Variants in MYO6 observed in about 807,000 individuals in gnomAD.
The protein encoded by MYO6 is unconventional myosin-VI.
Under a neutral mutation model 178.7 loss-of-function variants are expected in MYO6, and 74 were observed. The ratio of observed to expected loss-of-function variants is 0.41; its 90% CI spans 0.34 to 0.50. MYO6 has a LOEUF of 0.50. Among genes scored for constraint, MYO6 ranks in the 20% least tolerant of loss-of-function variants. The pLI, the probability that MYO6 is intolerant of heterozygous loss-of-function variation, is 0.09. For missense variants in MYO6, 1,330 were observed against 1,547.4 expected (o/e 0.86, Z 2.36); for synonymous variants, 477 against 504.6 (o/e 0.95, Z 0.73).
At chr6:75,766,259 G>T (rs9447545) in intron 1 of MYO6, among the ~76,000 whole-genome samples, 5,738 of 152,138 alleles carry the variant, frequency 0.038, 214 homozygotes, top group East Asian at 0.13. Flanking sequence ...GGAGGTGGAG[G>T]TTGCAGTGAG....
chr6:75,796,703 A>G (rs1583106523), intron 1 of MYO6, among the ~76,000 whole-genome samples: 1 of 151,274 alleles, frequency 6.6e-6, no homozygotes. Flanking sequence ...CCTGAACTCA[A>G]GCAGTCCTCT....
intron 4 of MYO6, 113 bp downstream of exon 4, chr6:75,828,726 C>T: frequency 1.3e-6 from 1 of 772,284 alleles, no homozygotes; most frequent in East Asian, 2.5e-5. Flanking sequence ...TGATCTGAGC[C>T]TCTTGAATAG....
At chr6:75,892,157 G>A (rs746481228) in intron 27 of MYO6, among the ~76,000 whole-genome samples, 2 of 152,092 alleles carry the variant, frequency 1.3e-5, no homozygotes, top group African/African-American at 2.4e-5. Context: ...GTTTGTCATG[G>A]CTTTCATAAT....
chr6:75,778,503 G>A (rs1411117976), intron 1 of MYO6, among the ~76,000 whole-genome samples: 1 of 151,924 alleles, frequency 6.6e-6, no homozygotes, highest in Non-Finnish European at 1.5e-5. Context: ...CGGCTGAGGC[G>A]GGAGAATGGC....
At chr6:75,897,090 A>G (rs1414621142) in intron 29 of MYO6, among the ~76,000 whole-genome samples, 1 of 152,200 alleles carries the variant, frequency 6.6e-6, no homozygotes, top group Non-Finnish European at 1.5e-5. Context: ...CTGTGTGATC[A>G]ACAGACCCAG....
chr6:75,846,025 T>A (rs1031974074), intron 10 of MYO6, among the ~76,000 whole-genome samples: 3 of 151,784 alleles, frequency 2.0e-5, no homozygotes, highest in African/African-American at 7.2e-5. Flanking sequence ...TAGTTCTGTT[T>A]AAAACATCAT....
At chr6:75,761,307 G>T (rs1399396884) in intron 1 of MYO6, among the ~76,000 whole-genome samples, 1 of 152,082 alleles carries the variant, frequency 6.6e-6, no homozygotes, top group African/African-American at 2.4e-5. Flanking sequence ...TTTCTTTCAG[G>T]TATGGGAGGA....
Position 75,843,908 on chromosome 6 carries a change from G to A in MYO6, c.817-989G>A, listed in dbSNP as rs76593680. 2.6e-5 allele frequency among the ~76,000 whole-genome samples: 4 copies of A among 151,560 alleles called. No individual in the cohort carries two copies. In the South Asian group the frequency reaches 8.3e-4, roughly 31 times the overall value. ...TCAAATTTTTATAAAATTTTTTTTG[G>A]TATGTGTATGATGAGGTGTATTTAA... On this transcript the variant is annotated intron_variant, in intron 9 of 34. Coordinates refer to ENST00000369977, the MANE Select transcript of MYO6 (RefSeq NM_004999.4).
rs181065130 is a variant in MYO6 at position 75,844,680 on chromosome 6, G to A, written c.817-217G>A. Among the ~76,000 whole-genome samples the A allele has an allele frequency of 1.6e-3, 238 of 151,994 alleles. 1 individual carries two copies. The highest frequency in any genetic ancestry group is 5.6e-3 in the African/African-American group (232 of 41,518). ...TTTTTAATCATTTTATTTAATCTAT[G>A]CTCAGAGATTAGGATTTTTAATATT... On this transcript the variant is annotated intron_variant, in intron 9 of 34. Coordinates refer to ENST00000369977, the MANE Select transcript of MYO6 (RefSeq NM_004999.4).
In MYO6 at chr6:75,917,881, TG is replaced by T. The variant is rs1781204504; in HGVS notation, c.*2871del. On this transcript the variant is annotated 3_prime_UTR_variant, in exon 35 of 35. Coordinates refer to ENST00000369977, the MANE Select transcript of MYO6 (RefSeq NM_004999.4). ...TCAGCGATCCAAATATGTAGATCAT[TG>T]GTTTTTTTTTTTACCTGAAGTAGCT... The T allele has an allele frequency of 4.8e-5, 2 of 41,710 alleles. No individual in the cohort carries two copies. Among genetic ancestry groups the T allele is most frequent in the Admixed American group, 4.3e-4 (1 of 2,320 alleles). The allele number at this position is 41,710 out of a possible 1,614,324, so 2.6% of individuals were successfully genotyped here. A position where few individuals can be genotyped will look rare whatever the true frequency, so the allele number is the denominator to read the frequency against.
intron 26 of MYO6, 75 bp downstream of exon 26, chr6:75,890,340 C>T: frequency 6.3e-7 from 1 of 1,589,622 alleles, no homozygotes; most frequent in Middle Eastern, 1.7e-4. Context: ...TGGTTAATGA[C>T]AATTATTTGT....
chr6:75,754,575 AATAT>A (rs1183673414), intron 1 of MYO6, among the ~76,000 whole-genome samples: 4 of 151,482 alleles, frequency 2.6e-5, no homozygotes, highest in Non-Finnish European at 5.9e-5. Flanking sequence ...TTTACAAGGT[AATAT>A]ATTTTCTGTG....
At chr6:75,804,370 G>T (rs764947170) in intron 1 of MYO6, among the ~76,000 whole-genome samples, 10 of 152,204 alleles carry the variant, frequency 6.6e-5, no homozygotes, top group South Asian at 2.1e-4. Context: ...ACTGATAGAG[G>T]TGAGAGGAGT....
intron 1 of MYO6, among the ~76,000 whole-genome samples, chr6:75,775,213 A>G (rs901911003): frequency 2.6e-5 from 4 of 152,196 alleles, no homozygotes; most frequent in African/African-American, 9.6e-5. Context: ...TCCATTAAGT[A>G]TAATCCTCCC....
chr6:75,842,871 A>G (rs1583249733), intron 9 of MYO6, among the ~76,000 whole-genome samples: 1 of 152,158 alleles, frequency 6.6e-6, no homozygotes, highest in Admixed American at 6.5e-5. Context: ...CAGAATGTAC[A>G]GCCTTTCCTG....
intron 1 of MYO6, among the ~76,000 whole-genome samples, chr6:75,777,029 G>T (rs1766462002): frequency 6.6e-6 from 1 of 152,110 alleles, no homozygotes; most frequent in Non-Finnish European, 1.5e-5. Flanking sequence ...ATGGTTTGTG[G>T]TTTTTCCTCT....
chr6:75,883,754 C>T (rs544900894), intron 23 of MYO6, among the ~76,000 whole-genome samples: 5 of 152,250 alleles, frequency 3.3e-5, no homozygotes, highest in African/African-American at 1.2e-4. Flanking sequence ...GTGTAGGAAT[C>T]AGTAACTTGA....
intron 1 of MYO6, among the ~76,000 whole-genome samples, chr6:75,809,035 G>A (rs1202008141): frequency 1.3e-5 from 2 of 152,318 alleles, no homozygotes; most frequent in Non-Finnish European, 2.9e-5. Flanking sequence ...GGCAGAAGAA[G>A]CAATGAGATA....
At chr6:75,894,775 G>C in intron 28 of MYO6, 1 of 1,444,098 alleles carries the variant, frequency 6.9e-7, no homozygotes, top group Non-Finnish European at 9.4e-7. Flanking sequence ...ATTATAGATA[G>C]ATTCTGCTTC....
Sources: gnomAD v4.1 joint callset for allele counts (sites outside exome capture counted in the v4.1 genomes callset) on GRCh38, gnomAD v4.1.1 for gene constraint, MANE v1.5 for transcripts, NCBI Gene and HGNC (gene_info 2026-07-23, HGNC 2026-07-21) for gene names.